PPARG: variants seen among roughly 807,000 people sequenced by gnomAD.
PPARG encodes peroxisome proliferator-activated receptor gamma.
PPARG carries 17 observed loss-of-function variants against 39.2 expected under a neutral mutation model. The ratio of observed to expected loss-of-function variants is 0.43; its 90% CI spans 0.30 to 0.65. The LOEUF is 0.65. Among genes scored for constraint, PPARG ranks in the 30% least tolerant of loss-of-function variants. The pLI is 0.13. For missense variants in PPARG, 406 were observed against 585.9 expected (o/e 0.69, Z 3.17); for synonymous variants, 223 against 215.7 (o/e 1.03, Z -0.30).
At chr3:12,303,122 C>A (rs1258225517) in intron 1 of PPARG, among the ~76,000 whole-genome samples, 5 of 152,146 alleles carry the variant, frequency 3.3e-5, no homozygotes, top group Non-Finnish European at 5.9e-5. Flanking sequence ...GACAAGAAAA[C>A]TTCCTTCATG....
At chr3:12,327,985 G>T in intron 2 of PPARG, 2 of 812,740 alleles carry the variant, frequency 2.5e-6, no homozygotes, top group Non-Finnish European at 4.3e-6. Flanking sequence ...ATTAAATTCT[G>T]TTCTTAGAAC....
chr3:12,327,692 A>G (rs1052946203), intron 2 of PPARG, among the ~76,000 whole-genome samples: 10 of 152,180 alleles, frequency 6.6e-5, no homozygotes, highest in African/African-American at 2.4e-4. Context: ...AAGAATGACA[A>G]TTGTTCTGTA....
intron 2 of PPARG, among the ~76,000 whole-genome samples, chr3:12,347,664 C>G (rs926599452): frequency 1.3e-5 from 2 of 152,176 alleles, no homozygotes; most frequent in African/African-American, 2.4e-5. Context: ...TAGCAATTAT[C>G]TGGCTTCCGT....
chr3:12,415,411 A>G (rs2051024758), intron 6 of PPARG, among the ~76,000 whole-genome samples: 1 of 152,240 alleles, frequency 6.6e-6, no homozygotes, highest in Non-Finnish European at 1.5e-5. Context: ...GTATACAAGT[A>G]TTTGAACAGG....
At chr3:12,424,967 T>A (rs925531058) in intron 7 of PPARG, among the ~76,000 whole-genome samples, 3 of 152,208 alleles carry the variant, frequency 2.0e-5, no homozygotes, top group Non-Finnish European at 4.4e-5. Flanking sequence ...CCCTATATGA[T>A]ATGATTTGAA....
At chr3:12,389,376 A>G (rs561874589) in intron 4 of PPARG, among the ~76,000 whole-genome samples, 3 of 152,316 alleles carry the variant, frequency 2.0e-5, no homozygotes, top group East Asian at 1.9e-4. Context: ...CATAAACAAC[A>G]TATCCAAGAA....
upstream of PPARG, chr3:12,287,459 C>G (rs186047341): frequency 1.2e-4 from 18 of 152,358 alleles, no homozygotes; most frequent in East Asian, 3.5e-3. Flanking sequence ...ATTAAATTTT[C>G]TTTTAAAATG....
intron 4 of PPARG, among the ~76,000 whole-genome samples, chr3:12,389,676 A>C (rs1233564589): frequency 6.6e-6 from 1 of 152,112 alleles, no homozygotes; most frequent in Admixed American, 6.6e-5. Flanking sequence ...GGATCACTTG[A>C]GGCTGGGAGT....
chr3:12,318,781 T>C (rs2047458845), intron 2 of PPARG, among the ~76,000 whole-genome samples: 2 of 152,122 alleles, frequency 1.3e-5, no homozygotes, highest in Non-Finnish European at 2.9e-5. Flanking sequence ...CAGTGTTACA[T>C]AGTAAGTGCT....
intron 5 of PPARG, among the ~76,000 whole-genome samples, chr3:12,397,828 C>G (rs1324428619): frequency 2.6e-5 from 4 of 152,108 alleles, no homozygotes; most frequent in African/African-American, 9.7e-5. Context: ...TTTGCTCCAG[C>G]TGCCCTGTCC....
intron 2 of PPARG, among the ~76,000 whole-genome samples, chr3:12,325,062 G>T (rs1206295636): frequency 1.3e-5 from 2 of 152,230 alleles, no homozygotes; most frequent in Non-Finnish European, 2.9e-5. Flanking sequence ...TGAGGCGGGC[G>T]GATCACTTGA....
At chr3:12,302,332 A>G (rs954406318) in intron 1 of PPARG, among the ~76,000 whole-genome samples, 7 of 152,322 alleles carry the variant, frequency 4.6e-5, no homozygotes, top group South Asian at 2.1e-4. Flanking sequence ...TAGGAAGCAG[A>G]TGAGTTGCCA....
intron 2 of PPARG, among the ~76,000 whole-genome samples, chr3:12,355,810 C>T (rs2048642139): frequency 6.6e-6 from 1 of 152,152 alleles, no homozygotes; most frequent in African/African-American, 2.4e-5. Flanking sequence ...CTGACAGCAG[C>T]TATCCATTTA....
chr3:12,426,355 G>A (rs1360659404), intron 7 of PPARG, among the ~76,000 whole-genome samples: 3 of 152,188 alleles, frequency 2.0e-5, no homozygotes, highest in Non-Finnish European at 4.4e-5. Flanking sequence ...CAAAGCATTT[G>A]CAAGATCTCT....
intron 2 of PPARG, among the ~76,000 whole-genome samples, chr3:12,332,727 A>G (rs1465307874): frequency 6.6e-6 from 1 of 152,188 alleles, no homozygotes; most frequent in Admixed American, 6.5e-5. Context: ...GTAGACATGT[A>G]TACAGTAAAG....
At chr3:12,411,823 T>C (rs1300089444) in intron 6 of PPARG, among the ~76,000 whole-genome samples, 1 of 151,854 alleles carries the variant, frequency 6.6e-6, no homozygotes, top group Non-Finnish European at 1.5e-5. Flanking sequence ...CCAATGAGTT[T>C]TGGATTGTAG....
intron 1 of PPARG, chr3:12,297,719 T>G (rs1157777872): frequency 6.6e-6 from 1 of 152,172 alleles, no homozygotes. Context: ...GGGTCCGTGA[T>G]CTACTTGATC....
rs978030246 is a variant in PPARG at position 12,290,017 on chromosome 3, A to T, written c.-83+883A>T. On this transcript the variant is annotated intron_variant, in intron 1 of 7. Transcript: ENST00000651735. The stretch of plus-strand genomic sequence containing the variant: ...AGTGAAGTGTATTACAAAACTGTCC[A>T]TTTTTGTCTTCTTGTGTACTTCACA... Among the ~76,000 whole-genome samples, 14 of 152,202 alleles carry T rather than the reference A, an allele frequency of 9.2e-5. No homozygotes were observed. The East Asian group carries it at 2.7e-3, about 29-fold the overall frequency.
intron 6 of PPARG, among the ~76,000 whole-genome samples, chr3:12,409,418 G>GAA (rs200850610): frequency 3.2e-4 from 47 of 145,936 alleles, no homozygotes; most frequent in Admixed American, 6.8e-4. Context: ...TATGGGAAAG[G>GAA]AAAAAAAAAA....
Sources: allele counts gnomAD v4.1 joint callset (sites outside exome capture counted in the v4.1 genomes callset), GRCh38; gene constraint gnomAD v4.1.1; transcripts MANE v1.5; gene names NCBI Gene and HGNC (gene_info 2026-07-23, HGNC 2026-07-21).